Variants in PLB1 observed in about 807,000 individuals in gnomAD.
The protein encoded by PLB1 is phospholipase B1, also known as phospholipase B1, membrane-associated.
PLB1 carries 242 observed loss-of-function variants against 227.4 expected under a neutral mutation model. That is an observed-to-expected ratio of 1.06 (90% CI 0.96 to 1.18). The LOEUF (loss-of-function observed/expected upper bound fraction) is 1.18. PLB1 is among the 50% of genes most tolerant of loss of function. The probability of loss-of-function intolerance (pLI) is 0.00; values close to 1 mark genes in which losing one functional copy is unlikely to be tolerated. For missense variants in PLB1, 1,858 were observed against 1,816.3 expected (o/e 1.02, Z -0.42); for synonymous variants, 757 against 682.2 (o/e 1.11, Z -1.71).
intron 1 of PLB1, among the ~76,000 whole-genome samples, chr2:28,500,512 A>C (rs1200396249): frequency 6.6e-6 from 1 of 152,140 alleles, no homozygotes. Context: ...TGGTGATTGG[A>C]AGATGGTGAT....
intron 43 of PLB1, among the ~76,000 whole-genome samples, chr2:28,608,122 C>A (rs1221506258): frequency 6.6e-6 from 1 of 152,216 alleles, no homozygotes; most frequent in Non-Finnish European, 1.5e-5. Flanking sequence ...AGCCACTGCA[C>A]TGATTTGCAG....
chr2:28,496,766 A>C (rs544249118), intron 1 of PLB1, among the ~76,000 whole-genome samples: 12 of 152,294 alleles, frequency 7.9e-5, no homozygotes, highest in African/African-American at 2.9e-4. Flanking sequence ...CCTCTGCCAC[A>C]ATCCCTCTCT....
intron 1 of PLB1, among the ~76,000 whole-genome samples, chr2:28,510,921 C>T (rs1384793305): frequency 6.6e-6 from 1 of 152,016 alleles, no homozygotes; most frequent in East Asian, 1.9e-4. Context: ...AGCCACTGTG[C>T]CTGGCCTTCA....
chr2:28,591,224 C>G, intron 30 of PLB1, 53 bp downstream of exon 30: 1 of 1,607,970 alleles, frequency 6.2e-7, no homozygotes, highest in Non-Finnish European at 8.5e-7. Flanking sequence ...TGGGCAACCC[C>G]TGGGCTGGGA....
chr2:28,557,147 C>T (rs764228774), intron 17 of PLB1, among the ~76,000 whole-genome samples: 9 of 152,248 alleles, frequency 5.9e-5, no homozygotes, highest in South Asian at 2.1e-4. Context: ...GGCTACTGAG[C>T]GAGTTCAAAC....
At chr2:28,623,029 C>T (rs999599697) in intron 49 of PLB1, among the ~76,000 whole-genome samples, 1 of 142,486 alleles carries the variant, frequency 7.0e-6, no homozygotes, top group African/African-American at 2.7e-5. Flanking sequence ...CTGGGTATGG[C>T]AACAATGCAG....
chr2:28,615,109 T>G (rs1183260304), intron 44 of PLB1, among the ~76,000 whole-genome samples: 1 of 152,060 alleles, frequency 6.6e-6, no homozygotes, highest in African/African-American at 2.4e-5. Flanking sequence ...AGGAGACACT[T>G]GCTATACAGG....
chr2:28,577,879 C>A (rs1378922126), intron 21 of PLB1, among the ~76,000 whole-genome samples: 1 of 152,162 alleles, frequency 6.6e-6, no homozygotes, highest in East Asian at 1.9e-4. Context: ...TGAGAATCAC[C>A]CCCTCCTACG....
chr2:28,596,219 AC>A (rs1682890888), intron 33 of PLB1, among the ~76,000 whole-genome samples: 1 of 152,224 alleles, frequency 6.6e-6, no homozygotes, highest in Admixed American at 6.5e-5. Context: ...ATTGAGTGTA[AC>A]ATAAATGATA....
chr2:28,617,577 A>G (rs530956390), intron 44 of PLB1, 150 bp from the exon 45 acceptor site: 199 of 744,862 alleles, frequency 2.7e-4, no homozygotes, highest in Non-Finnish European at 4.3e-4. Context: ...TAGCCCACCT[A>G]TAACTCACAG....
Position 28,585,842 on chromosome 2 carries a change from G to T in PLB1, c.1815G>T (p.Gln605His). The T allele has an allele frequency of 1.9e-6, 3 of 1,600,042 alleles. No homozygotes were observed. The South Asian group carries it at 3.3e-5, about 18-fold the overall frequency. Residue 605 changes from glutamine to histidine, a missense_variant and splice_region_variant, in exon 26 of 58, where the codon CAG becomes CAT. Physicochemically the swap from Gln to His is conservative, Grantham distance 24 (BLOSUM62 0). Coordinates refer to ENST00000327757, the MANE Select transcript of PLB1 (RefSeq NM_153021.5). ...TCATCGAATTCAACAAGAAGTTTCA[G>T]GTAAGCCGGGAAGGGGTTCTAAGAC... ...ATLIEFNKKF[Q>H]EKTHQLIESG...
chr2:28,564,328 T>C (rs1676519254), intron 18 of PLB1, among the ~76,000 whole-genome samples: 1 of 152,166 alleles, frequency 6.6e-6, no homozygotes, highest in Admixed American at 6.5e-5. Flanking sequence ...GGATCACAAA[T>C]CAGGGATCCT....
rs745953431 is a variant in PLB1 at position 28,625,128 on chromosome 2, C to T, written c.3579+20C>T. The T allele has an allele frequency of 6.2e-7, 1 of 1,608,034 alleles. No individual in the cohort carries two copies. Among genetic ancestry groups the T allele is most frequent in the Non-Finnish European group, 8.5e-7 (1 of 1,176,258 alleles). On this transcript the variant is annotated intron_variant, in intron 50 of 57. Coordinates refer to ENST00000327757, the MANE Select transcript of PLB1 (RefSeq NM_153021.5). ...AGCCCCGTGAGTACAGGCCCCCAGG[C>T]CACCCCTGAAAGGTGCCCATCTCCT...
intron 9 of PLB1, among the ~76,000 whole-genome samples, chr2:28,536,839 C>T (rs1019598314): frequency 1.3e-5 from 2 of 152,166 alleles, no homozygotes; most frequent in Non-Finnish European, 2.9e-5. Flanking sequence ...CCATGCAGTG[C>T]CTGGAATGAC....
intron 49 of PLB1, among the ~76,000 whole-genome samples, chr2:28,624,533 GAAA>G (rs912459895): frequency 4.1e-5 from 6 of 146,690 alleles, no homozygotes; most frequent in African/African-American, 1.5e-4. Context: ...TGGAGAGGGA[GAAA>G]AAAAAAAGTG....
chr2:28,508,671 C>T (rs1017711935), intron 1 of PLB1, among the ~76,000 whole-genome samples: 8 of 152,218 alleles, frequency 5.3e-5, no homozygotes, highest in Non-Finnish European at 1.5e-5. Context: ...CACTGGCTGA[C>T]TTGGGCCCTC....
Position 28,525,964 on chromosome 2 carries a change from G to A in PLB1, c.325+19G>A, listed in dbSNP as rs771151160. 1.7e-5 allele frequency: 28 copies of A among 1,613,824 alleles called. No individual in the cohort carries two copies. Among genetic ancestry groups the A allele is most frequent in the Middle Eastern group, 3.3e-4 (2 of 6,062 alleles). ...ATGACAGGTGAGTTGTGGTTTTCAC[G>A]GCCAGATTTCAGAGTGCCCCTCTCC... is the stretch of plus-strand genomic sequence containing the variant. On this transcript the variant is annotated intron_variant, in intron 6 of 57. Transcript: ENST00000327757.
At position 28,643,201 on chromosome 2, in the gene PLB1, G is replaced by T. The variant is rs1690161657; in HGVS notation, c.*140G>T. ...CAGGGGACAGTCACAACTTCTTGGG[G>T]CCTGGGCTTCTTCCAGGCCTATGCT... On this transcript the variant is annotated 3_prime_UTR_variant, in exon 58 of 58. Coordinates refer to ENST00000327757, the MANE Select transcript of PLB1 (RefSeq NM_153021.5). The T allele has an allele frequency of 6.9e-6, 5 of 724,234 alleles. No individual in the cohort carries two copies. Among genetic ancestry groups the T allele is most frequent in the Non-Finnish European group, 1.1e-5 (5 of 452,274 alleles). 44.9% of individuals were successfully genotyped at this position (724,234 alleles called of 1,614,324 possible).
rs1675183266 is a variant in PLB1 at position 28,556,681 on chromosome 2, G to C, written c.1147+3690G>C. Among the ~76,000 whole-genome samples the C allele has an allele frequency of 3.3e-5, 5 of 152,274 alleles. No homozygotes were observed. The Middle Eastern group carries it at 0.01, about 311-fold the overall frequency. On this transcript the variant is annotated intron_variant, in intron 17 of 57. Coordinates refer to ENST00000327757, the MANE Select transcript of PLB1 (RefSeq NM_153021.5). Reference sequence around the variant, plus strand: ...TTTGAAAATAAAAGAGTGACAATGAGGAGTCACAGGGGACATGGCTTATTG... The same window carrying C: ...TTTGAAAATAAAAGAGTGACAATGACGAGTCACAGGGGACATGGCTTATTG...
Sources: gnomAD v4.1 joint callset for allele counts (sites outside exome capture counted in the v4.1 genomes callset) on GRCh38, gnomAD v4.1.1 for gene constraint, MANE v1.5 for transcripts, NCBI Gene and HGNC (gene_info 2026-07-23, HGNC 2026-07-21) for gene names.